The following ITGA8 variants were observed in gnomAD, a reference collection of about 807,000 sequenced individuals.
ITGA8 encodes integrin subunit alpha 8, also known as integrin alpha-8.
In ITGA8, 91 loss-of-function variants were observed where a neutral mutation model predicts 142.3. The ratio of observed to expected loss-of-function variants is 0.64; its 90% CI spans 0.54 to 0.76. The LOEUF is 0.76. Ranked by LOEUF, ITGA8 falls within the 30% of genes least tolerant of loss-of-function variation. ITGA8 has a pLI of 0.00. For missense variants in ITGA8, 1,406 were observed against 1,327.7 expected, an observed-to-expected ratio of 1.06 and a Z score of -0.92; for synonymous variants, 505 against 485.2, an observed-to-expected ratio of 1.04 and a Z score of -0.54.
intron 27 of ITGA8, among the ~76,000 whole-genome samples, chr10:15,536,398 A>G (rs1387849153): frequency 6.6e-6 from 1 of 152,232 alleles, no homozygotes; most frequent in Non-Finnish European, 1.5e-5. Flanking sequence ...AAAGATACCC[A>G]AGTTCTGCGT....
intron 28 of ITGA8, among the ~76,000 whole-genome samples, chr10:15,521,464 C>T (rs1833068431): frequency 6.6e-6 from 1 of 151,980 alleles, no homozygotes; most frequent in South Asian, 2.1e-4. Flanking sequence ...TTCTCCAGCC[C>T]CAAATGTCAT....
chr10:15,701,106 T>G (rs559609112), intron 2 of ITGA8, among the ~76,000 whole-genome samples: 68 of 152,338 alleles, frequency 4.5e-4, no homozygotes, highest in African/African-American at 1.6e-3. Context: ...CAAAAATTTG[T>G]CAAGGGTACA....
chr10:15,698,199 G>C (rs1835093284), intron 2 of ITGA8, among the ~76,000 whole-genome samples: 1 of 152,100 alleles, frequency 6.6e-6, no homozygotes, highest in Non-Finnish European at 1.5e-5. Flanking sequence ...TCAGAATAAT[G>C]GTCTCCAATT....
chr10:15,584,216 G>C (rs887285775), intron 23 of ITGA8, among the ~76,000 whole-genome samples: 1 of 152,118 alleles, frequency 6.6e-6, no homozygotes, highest in Non-Finnish European at 1.5e-5. Context: ...AGAATCACTC[G>C]AACCCTGGAG....
At chr10:15,704,619 G>A (rs1835224243) in intron 2 of ITGA8, among the ~76,000 whole-genome samples, 1 of 152,060 alleles carries the variant, frequency 6.6e-6, no homozygotes, top group Non-Finnish European at 1.5e-5. Flanking sequence ...GGTACAGCTG[G>A]GGAAATGAGA....
intron 2 of ITGA8, among the ~76,000 whole-genome samples, chr10:15,700,877 C>G (rs1357773949): frequency 6.6e-6 from 1 of 152,136 alleles, no homozygotes. Context: ...GTGCTTACCA[C>G]TATCTGAGAT....
intron 2 of ITGA8, among the ~76,000 whole-genome samples, chr10:15,705,024 C>T (rs978557961): frequency 1.3e-5 from 2 of 151,478 alleles, no homozygotes; most frequent in Admixed American, 6.6e-5. Context: ...TTTTTAAAGT[C>T]ACCATTCCCA....
rs555510299 is a variant in ITGA8, at chr10:15,586,252, T to A, written c.2372+332A>T. On this transcript the variant is annotated intron_variant, in intron 23 of 29. Coordinates refer to ENST00000378076, the MANE Select transcript of ITGA8 (RefSeq NM_003638.3). ...TTTTGTATTTTTAGGAGAGACAGGG[T>A]TTCACGATGTTGGCTAGGCTGGTCT... Among the ~76,000 whole-genome samples the A allele has an allele frequency of 3.9e-5, 6 of 151,900 alleles. No individual in the cohort carries two copies. In the South Asian group the frequency reaches 1.0e-3, roughly 26 times the overall value.
chr10:15,666,619 A>C (rs960595095), intron 8 of ITGA8, among the ~76,000 whole-genome samples: 3 of 152,162 alleles, frequency 2.0e-5, no homozygotes, highest in African/African-American at 4.8e-5. Flanking sequence ...GAATGCTTCC[A>C]GTTTTTGTCC....
At chr10:15,702,629 A>G (rs1350175328) in intron 2 of ITGA8, among the ~76,000 whole-genome samples, 1 of 152,000 alleles carries the variant, frequency 6.6e-6, no homozygotes, top group Non-Finnish European at 1.5e-5. Context: ...AGCTCTAGGT[A>G]TTGGTTGGGC....
At chr10:15,654,390 T>C (rs1437279815) in intron 11 of ITGA8, among the ~76,000 whole-genome samples, 1 of 152,200 alleles carries the variant, frequency 6.6e-6, no homozygotes, top group Non-Finnish European at 1.5e-5. Context: ...CCTAGAACAG[T>C]GCCTGTTAGT....
intron 21 of ITGA8, 114 bp from the exon 22 acceptor site, chr10:15,592,418 G>T: frequency 1.3e-6 from 1 of 752,828 alleles, no homozygotes; most frequent in Non-Finnish European, 2.1e-6. Context: ...CCTTTGTTCT[G>T]CTTCTACCCC....
chr10:15,594,997 C>T (rs754486055), intron 21 of ITGA8, among the ~76,000 whole-genome samples: 1 of 152,140 alleles, frequency 6.6e-6, no homozygotes, highest in Non-Finnish European at 1.5e-5. Context: ...CACCAGATCT[C>T]ATGGCATTGA....
chr10:15,667,836 A>C (rs1485724589), intron 8 of ITGA8, among the ~76,000 whole-genome samples: 2 of 151,884 alleles, frequency 1.3e-5, no homozygotes, highest in Non-Finnish European at 2.9e-5. Flanking sequence ...GTTTTGAGTG[A>C]GTTTCTTAAT....
At chr10:15,567,453 T>C (rs1437258719) in intron 25 of ITGA8, among the ~76,000 whole-genome samples, 1 of 152,206 alleles carries the variant, frequency 6.6e-6, no homozygotes, top group African/African-American at 2.4e-5. Context: ...TGCAGACAGT[T>C]GAACATTTCA....
intron 8 of ITGA8, among the ~76,000 whole-genome samples, chr10:15,665,092 C>T (rs1461679602): frequency 6.6e-6 from 1 of 152,198 alleles, no homozygotes; most frequent in Non-Finnish European, 1.5e-5. Context: ...AATCGCCACA[C>T]TGACTTCCAC....
Position 15,594,795 on chromosome 10 carries a change from A to AC in ITGA8, c.2211+2411_2211+2412insG, listed in dbSNP as rs1261305638. Among the ~76,000 whole-genome samples the AC allele has an allele frequency of 1.0e-3, 154 of 152,326 alleles. 1 individual carries two copies. Among genetic ancestry groups the AC allele is most frequent in the Non-Finnish European group, 1.3e-4 (9 of 68,018 alleles). ...AGACTCCATCTCAAAACAAAACAAA[A>AC]AAAATGCCAAAAGAATGATGAGAGT... is the stretch of plus-strand genomic sequence containing the variant. On this transcript the variant is annotated intron_variant, in intron 21 of 29. Transcript: ENST00000378076.
intron 6 of ITGA8, among the ~76,000 whole-genome samples, chr10:15,673,436 T>C (rs1374848195): frequency 6.6e-6 from 1 of 152,152 alleles, no homozygotes; most frequent in African/African-American, 2.4e-5. Context: ...TTTGAGATCA[T>C]TTGGTCAAAT....
At chr10:15,549,105 C>A (rs1209963089) in intron 26 of ITGA8, among the ~76,000 whole-genome samples, 1 of 151,692 alleles carries the variant, frequency 6.6e-6, no homozygotes, top group Admixed American at 6.6e-5. Context: ...TAATGAATAA[C>A]CTTTAATATA....
Sources: allele counts gnomAD v4.1 joint callset (sites outside exome capture counted in the v4.1 genomes callset), GRCh38; gene constraint gnomAD v4.1.1; transcripts MANE v1.5; gene names NCBI Gene and HGNC (gene_info 2026-07-23, HGNC 2026-07-21).